COLGALT2: variants seen among roughly 807,000 people sequenced by gnomAD.
COLGALT2 encodes the protein collagen beta(1-O)galactosyltransferase 2, also known as procollagen galactosyltransferase 2.
COLGALT2 carries 49 observed loss-of-function variants against 73.4 expected under a neutral mutation model. The observed-to-expected ratio is 0.67, with a 90% CI of 0.53 to 0.85. The LOEUF (loss-of-function observed/expected upper bound fraction) is 0.85. COLGALT2 is among the 40% of genes least tolerant of loss of function. COLGALT2 has a pLI of 0.00. For synonymous variants in COLGALT2, 295 were observed against 307.6 expected, an observed-to-expected ratio of 0.96 and a Z score of 0.43; for missense variants, 722 against 790.2, an observed-to-expected ratio of 0.91 and a Z score of 1.03.
At chr1:183,983,183 C>T (rs1293748046) in intron 1 of COLGALT2, among the ~76,000 whole-genome samples, 1 of 152,204 alleles carries the variant, frequency 6.6e-6, no homozygotes, top group Non-Finnish European at 1.5e-5. Flanking sequence ...GAAATGAACA[C>T]GTCCTCCAGT....
At position 184,032,810 on chromosome 1, in the gene COLGALT2, A is replaced by G. The variant is rs187473987; in HGVS notation, c.263+4285T>C. 2.2e-3 allele frequency among the ~76,000 whole-genome samples: 336 copies of G among 152,342 alleles called. 5 individuals are homozygous for G. The highest frequency in any genetic ancestry group is 7.8e-3 in the African/African-American group (324 of 41,564). The stretch of plus-strand genomic sequence containing the variant: ...AGTTTGGAACAGTTTATAAACACAA[A>G]GTATATTAGTATTTCTAGTTAAACA... On this transcript the variant is annotated intron_variant, in intron 1 of 11. Coordinates refer to ENST00000361927, the MANE Select transcript of COLGALT2 (RefSeq NM_015101.4).
chr1:183,950,873 G>T, intron 8 of COLGALT2, 134 bp downstream of exon 8: 2 of 640,822 alleles, frequency 3.1e-6, no homozygotes, highest in Non-Finnish European at 5.6e-6. Flanking sequence ...GCTACTACAG[G>T]TGGCCGTTTT....
chr1:184,036,154 C>T (rs10797935), intron 1 of COLGALT2, among the ~76,000 whole-genome samples: 30,000 of 152,138 alleles, frequency 0.2, 3,270 homozygotes, highest in East Asian at 0.47. Flanking sequence ...CAGCACATCT[C>T]CCCTGGCCAG....
chr1:184,017,517 C>T (rs1451947388), intron 1 of COLGALT2, among the ~76,000 whole-genome samples: 4 of 152,050 alleles, frequency 2.6e-5, no homozygotes, highest in Non-Finnish European at 4.4e-5. Flanking sequence ...AACTATAAGC[C>T]GCATTATTCC....
At chr1:183,973,510 G>A (rs745726126) in intron 4 of COLGALT2, 106 bp downstream of exon 4, 67 of 1,388,210 alleles carry the variant, frequency 4.8e-5, no homozygotes, top group Non-Finnish European at 6.0e-5. Context: ...ACAATGACAC[G>A]CATGTTTCAA....
Position 183,999,911 on chromosome 1 carries a change from C to T in COLGALT2, c.264-21391G>A, listed in dbSNP as rs114804594. Among the ~76,000 whole-genome samples, 456 of 152,008 alleles carry T rather than the reference C, an allele frequency of 3.0e-3. 4 individuals carry two copies. The highest frequency in any genetic ancestry group is 0.01 in the African/African-American group (431 of 41,494). On this transcript the variant is annotated intron_variant, in intron 1 of 11. Transcript: ENST00000361927. ...TAGTCCTCTTTGATATCTTCAGTTT[C>T]TATTTCATTAATTTCTGTCTTTATA...
chr1:184,002,373 A>T (rs1354510058), intron 1 of COLGALT2, among the ~76,000 whole-genome samples: 1 of 152,226 alleles, frequency 6.6e-6, no homozygotes, highest in African/African-American at 2.4e-5. Flanking sequence ...GCCGTTCTTT[A>T]TGAAAGGATT....
chr1:184,001,826 T>C (rs1174249658), intron 1 of COLGALT2, among the ~76,000 whole-genome samples: 1 of 152,234 alleles, frequency 6.6e-6, no homozygotes, highest in Non-Finnish European at 1.5e-5. Context: ...TCCTGCTTCT[T>C]ACTCCCTGAA....
chr1:184,029,225 T>TA (rs1431769807), intron 1 of COLGALT2, among the ~76,000 whole-genome samples: 1 of 152,222 alleles, frequency 6.6e-6, no homozygotes, highest in African/African-American at 2.4e-5. Context: ...AATTATTACC[T>TA]ATAATGAGAT....
intron 11 of COLGALT2, chr1:183,930,304 G>A (rs1331030028): frequency 4.4e-6 from 2 of 456,144 alleles, no homozygotes; most frequent in Non-Finnish European, 8.8e-6. Context: ...ACAGAACAGA[G>A]GAAGAGTTGA....
At chr1:184,030,522 T>C (rs1018369397) in intron 1 of COLGALT2, among the ~76,000 whole-genome samples, 2 of 152,182 alleles carry the variant, frequency 1.3e-5, no homozygotes, top group African/African-American at 2.4e-5. Context: ...TACTGTGCCA[T>C]AGACTTGGAG....
At chr1:183,960,801 G>C (rs1670678863) in intron 6 of COLGALT2, among the ~76,000 whole-genome samples, 2 of 152,056 alleles carry the variant, frequency 1.3e-5, no homozygotes, top group African/African-American at 4.8e-5. Context: ...TGTTGTGTTA[G>C]TATATTTTAT....
At chr1:183,961,720 G>T (rs1670706708) in intron 6 of COLGALT2, among the ~76,000 whole-genome samples, 1 of 152,102 alleles carries the variant, frequency 6.6e-6, no homozygotes, top group African/African-American at 2.4e-5. Context: ...TCATTCATTT[G>T]CTCATTTGTT....
chr1:183,949,219 G>A (rs564888120), intron 8 of COLGALT2, among the ~76,000 whole-genome samples: 2 of 152,148 alleles, frequency 1.3e-5, no homozygotes, highest in East Asian at 1.9e-4. Context: ...TTCTTTATTT[G>A]TGGAACTTGA....
chr1:183,960,357 C>T (rs1166952989), intron 6 of COLGALT2, among the ~76,000 whole-genome samples: 1 of 152,218 alleles, frequency 6.6e-6, no homozygotes, highest in Non-Finnish European at 1.5e-5. Context: ...TTAAATTTTA[C>T]ACTTGTACCC....
chr1:184,021,895 T>G (rs1278229331), intron 1 of COLGALT2, among the ~76,000 whole-genome samples: 2 of 152,178 alleles, frequency 1.3e-5, no homozygotes, highest in African/African-American at 4.8e-5. Flanking sequence ...CCAGACAGGA[T>G]TTGCAGCCCA....
intron 1 of COLGALT2, among the ~76,000 whole-genome samples, chr1:183,982,836 CT>C (rs764251040): frequency 7.2e-5 from 11 of 152,182 alleles, no homozygotes; most frequent in Non-Finnish European, 1.2e-4. Context: ...TATACAGCAT[CT>C]ACTTCTTTCC....
intron 1 of COLGALT2, among the ~76,000 whole-genome samples, chr1:184,016,914 G>A (rs1649020014): frequency 6.6e-6 from 1 of 152,002 alleles, no homozygotes; most frequent in African/African-American, 2.4e-5. Context: ...TTTTTGTATA[G>A]AAAGAAAAGC....
intron 7 of COLGALT2, among the ~76,000 whole-genome samples, chr1:183,953,128 T>C (rs1443491874): frequency 1.3e-5 from 2 of 152,148 alleles, no homozygotes; most frequent in East Asian, 3.8e-4. Context: ...AATAAAACTG[T>C]AGCCACGAAG....
Sources: gnomAD v4.1 joint callset for allele counts (sites outside exome capture counted in the v4.1 genomes callset) on GRCh38, gnomAD v4.1.1 for gene constraint, MANE v1.5 for transcripts, NCBI Gene and HGNC (gene_info 2026-07-23, HGNC 2026-07-21) for gene names.